The following PLCB1 variants were observed in gnomAD, a reference collection of about 807,000 sequenced individuals.
The protein encoded by PLCB1 is 1-phosphatidylinositol 4,5-bisphosphate phosphodiesterase beta-1.
In PLCB1, 46 loss-of-function variants were observed where a neutral mutation model predicts 161.8. That is an observed-to-expected ratio of 0.28 (90% CI 0.22 to 0.36). The LOEUF is 0.36. Among genes scored for constraint, PLCB1 ranks in the 10% least tolerant of loss-of-function variants. The pLI, the probability that PLCB1 is intolerant of heterozygous loss-of-function variation, is 1.00. For synonymous variants in PLCB1, 517 were observed against 503.7 expected, an observed-to-expected ratio of 1.03 and a Z score of -0.35; for missense variants, 1,016 against 1,472.5, an observed-to-expected ratio of 0.69 and a Z score of 5.07.
intron 3 of PLCB1, among the ~76,000 whole-genome samples, chr20:8,407,462 C>T (rs1293630640): frequency 6.6e-6 from 1 of 152,060 alleles, no homozygotes; most frequent in Non-Finnish European, 1.5e-5. Context: ...GCTGGGGAGG[C>T]CTCAGAATTA....
At chr20:8,831,997 T>C (rs13045488) in intron 31 of PLCB1, among the ~76,000 whole-genome samples, 1 of 147,202 alleles carries the variant, frequency 6.8e-6, no homozygotes, top group East Asian at 2.0e-4. Flanking sequence ...TTTCTTTCTG[T>C]GCTTCTTTCT....
chr20:8,560,167 C>T (rs977914690), intron 3 of PLCB1, among the ~76,000 whole-genome samples: 1 of 152,000 alleles, frequency 6.6e-6, no homozygotes, highest in African/African-American at 2.4e-5. Flanking sequence ...GAGTGAGGCC[C>T]TAAGACCTGC....
chr20:8,744,389 G>T (rs180961791), intron 23 of PLCB1, among the ~76,000 whole-genome samples: 1 of 152,096 alleles, frequency 6.6e-6, no homozygotes, highest in East Asian at 1.9e-4. Context: ...CCATATTTCA[G>T]CCTACTTTTT....
intron 25 of PLCB1, among the ~76,000 whole-genome samples, chr20:8,761,914 A>C (rs1982052692): frequency 6.7e-6 from 1 of 148,332 alleles, no homozygotes; most frequent in Non-Finnish European, 1.5e-5. Context: ...TGTTTTTAAA[A>C]GATTTAGTTC....
intron 31 of PLCB1, among the ~76,000 whole-genome samples, chr20:8,803,535 C>T (rs577563862): frequency 1.3e-5 from 2 of 151,176 alleles, no homozygotes; most frequent in Non-Finnish European, 2.9e-5. Flanking sequence ...TGTTCATGTC[C>T]TCTCAACAGT....
intron 2 of PLCB1, among the ~76,000 whole-genome samples, chr20:8,266,388 G>T (rs1479532000): frequency 6.6e-6 from 1 of 152,158 alleles, no homozygotes; most frequent in East Asian, 1.9e-4. Context: ...CTAGCACTGG[G>T]TTTTTCTCAG....
chr20:8,733,417 G>T (rs953420192), intron 19 of PLCB1, 25 bp downstream of exon 19: 5 of 1,605,370 alleles, frequency 3.1e-6, no homozygotes, highest in African/African-American at 1.3e-5. Flanking sequence ...TCACAAAATT[G>T]TTCCTAACAA....
chr20:8,292,677 A>G (rs544464239), intron 2 of PLCB1, among the ~76,000 whole-genome samples: 3 of 152,130 alleles, frequency 2.0e-5, no homozygotes, highest in Non-Finnish European at 4.4e-5. Flanking sequence ...GCTGTACCAT[A>G]TTGTCCTGCA....
intron 2 of PLCB1, among the ~76,000 whole-genome samples, chr20:8,267,740 A>G (rs1005494294): frequency 1.3e-5 from 2 of 152,180 alleles, no homozygotes; most frequent in African/African-American, 4.8e-5. Context: ...CCCAGATTAC[A>G]GAATTTTCTG....
chr20:8,408,560 T>A (rs749235243), intron 3 of PLCB1, among the ~76,000 whole-genome samples: 1 of 152,222 alleles, frequency 6.6e-6, no homozygotes, highest in Non-Finnish European at 1.5e-5. Context: ...TAGACATCCC[T>A]TAGCAAATTC....
Position 8,628,342 on chromosome 20 carries a change from G to A in PLCB1, c.295G>A (p.Glu99Lys). 1 of 1,613,730 alleles carries A rather than the reference G, an allele frequency of 6.2e-7. No individual in the cohort carries two copies. The change falls in exon 4 of 32, where the codon GAG (glutamate) becomes AAG (lysine). Residue 99 changes from glutamate (E) to lysine (K), a missense_variant. Coordinates refer to ENST00000338037, the MANE Select transcript of PLCB1 (RefSeq NM_015192.4). ...GGATGTGGGGAACATCGGGCGCCTG[G>A]AGCAGCGCATGATCACAGTGGTGTA... ...LLDVGNIGRL[E>K]QRMITVVYGP... is the part of the protein sequence containing the mutation.
chr20:8,392,654 G>A (rs1361068348), intron 3 of PLCB1, among the ~76,000 whole-genome samples: 1 of 152,178 alleles, frequency 6.6e-6, no homozygotes, highest in African/African-American at 2.4e-5. Context: ...GGATTTGCCA[G>A]CCATAATGTG....
rs559798733 is a variant in PLCB1 at position 8,237,402 on chromosome 20, A to T, written c.177+87031A>T. ...AGATCTTATTTTTTAAAAAGAAAAAATGCCCAGAAGTCATATGGACATGCA... is the reference window on the plus strand; with the variant it reads ...AGATCTTATTTTTTAAAAAGAAAAATTGCCCAGAAGTCATATGGACATGCA... On this transcript the variant is annotated intron_variant, in intron 2 of 31. Transcript: ENST00000338037. 8.5e-5 allele frequency among the ~76,000 whole-genome samples: 13 copies of T among 152,178 alleles called. No homozygotes were observed. The East Asian group carries it at 1.4e-3, about 16-fold the overall frequency.
chr20:8,600,969 TGC>T (rs1230313636), intron 3 of PLCB1, among the ~76,000 whole-genome samples: 5 of 152,098 alleles, frequency 3.3e-5, no homozygotes, highest in South Asian at 4.1e-4. Flanking sequence ...TCGCGCACGG[TGC>T]GCGCACCCAC....
chr20:8,854,757 T>C (rs1412745997), intron 31 of PLCB1, among the ~76,000 whole-genome samples: 8 of 152,232 alleles, frequency 5.3e-5, no homozygotes, highest in Admixed American at 4.6e-4. Flanking sequence ...GTCTCCACGC[T>C]GGCGAACGAC....
intron 3 of PLCB1, among the ~76,000 whole-genome samples, chr20:8,478,227 G>A (rs1369172942): frequency 2.0e-5 from 3 of 152,140 alleles, no homozygotes; most frequent in South Asian, 2.1e-4. Context: ...GGTGACAACC[G>A]CAAAAGGTTA....
At chr20:8,635,940 T>C (rs1288042624) in intron 4 of PLCB1, among the ~76,000 whole-genome samples, 1 of 152,208 alleles carries the variant, frequency 6.6e-6, no homozygotes, top group Non-Finnish European at 1.5e-5. Flanking sequence ...TCTGGGAACA[T>C]ATGCATTGAG....
chr20:8,565,378 C>A (rs1293380510), intron 3 of PLCB1, among the ~76,000 whole-genome samples: 2 of 151,964 alleles, frequency 1.3e-5, no homozygotes, highest in African/African-American at 4.8e-5. Context: ...AGGAGAAATA[C>A]CTCATGTAGA....
At chr20:8,451,951 G>C (rs1051633303) in intron 3 of PLCB1, among the ~76,000 whole-genome samples, 4 of 151,354 alleles carry the variant, frequency 2.6e-5, no homozygotes, top group Non-Finnish European at 5.9e-5. Flanking sequence ...ATAGATCTTT[G>C]AGGAAATTAT....
Sources: gnomAD v4.1 joint callset for allele counts (sites outside exome capture counted in the v4.1 genomes callset) on GRCh38, gnomAD v4.1.1 for gene constraint, MANE v1.5 for transcripts, NCBI Gene and HGNC (gene_info 2026-07-23, HGNC 2026-07-21) for gene names.